Variants in MCRIP1 observed in about 807,000 individuals in gnomAD.
MCRIP1 encodes the protein MAPK regulated corepressor interacting protein 1.
Under a neutral mutation model 14.4 loss-of-function variants are expected in MCRIP1, and 10 were observed. The observed-to-expected ratio is 0.70, with a 90% CI of 0.43 to 1.18. The LOEUF is 1.18. Ranked by LOEUF, MCRIP1 falls within the 50% of genes most tolerant of loss-of-function variation. The pLI, the probability that MCRIP1 is intolerant of heterozygous loss-of-function variation, is 0.00. For synonymous variants in MCRIP1, 53 were observed against 55.7 expected (o/e 0.95, Z 0.21); for missense variants, 119 against 135.4 (o/e 0.88, Z 0.60).
intron 1 of MCRIP1, among the ~76,000 whole-genome samples, chr17:81,830,663 G>C (rs2038498799): frequency 6.6e-6 from 1 of 151,926 alleles, no homozygotes; most frequent in Non-Finnish European, 1.5e-5. Flanking sequence ...AAAGGGGCTA[G>C]ATGTGGTGGT....
Position 81,823,141 on chromosome 17 carries a change from C to T in MCRIP1, c.*106G>A. 9.2e-7 allele frequency: 1 copy of T among 1,084,086 alleles called. No individual in the cohort carries two copies. Among genetic ancestry groups the T allele is most frequent in the Non-Finnish European group, 1.4e-6 (1 of 738,482 alleles). 67.2% of individuals were successfully genotyped at this position (1,084,086 alleles called of 1,614,324 possible). ...TCACGCCAGTGCTGGGATCTGCAGC[C>T]CGCTGGAGCAAGGCACCCCCATCCC... is the stretch of plus-strand genomic sequence containing the variant. On this transcript the variant is annotated 3_prime_UTR_variant, in exon 5 of 5. Coordinates refer to ENST00000455127, the MANE Select transcript of MCRIP1 (RefSeq NM_207368.5). The surrounding 1 kb of genome is among the most constrained non-coding windows in gnomAD (Gnocchi z 6.0).
intron 1 of MCRIP1, among the ~76,000 whole-genome samples, chr17:81,830,549 A>C (rs1048863234): frequency 2.0e-4 from 30 of 152,248 alleles, no homozygotes; most frequent in Middle Eastern, 3.4e-3. Flanking sequence ...CGGCAGGAGA[A>C]TCGCTTGAAC....
At chr17:81,825,378 C>G in intron 1 of MCRIP1, 4 of 1,182,950 alleles carry the variant, frequency 3.4e-6, no homozygotes, top group Non-Finnish European at 4.3e-6. Context: ...GGTGGGGAAG[C>G]TGACAGGGCT....
chr17:81,832,253 G>A (rs1018294599), intron 1 of MCRIP1, among the ~76,000 whole-genome samples: 2 of 152,156 alleles, frequency 1.3e-5, no homozygotes, highest in African/African-American at 4.8e-5. Context: ...GGATACGGCT[G>A]TCACAGCTGC....
intron 1 of MCRIP1, among the ~76,000 whole-genome samples, chr17:81,827,936 A>G (rs1412191454): frequency 5.9e-5 from 9 of 151,564 alleles, no homozygotes; most frequent in East Asian, 5.9e-4. Flanking sequence ...GCCCGCCACC[A>G]CGCCCAGCTA....
At chr17:81,827,364 C>T (rs912283270) in intron 1 of MCRIP1, among the ~76,000 whole-genome samples, 8 of 151,362 alleles carry the variant, frequency 5.3e-5, no homozygotes, top group African/African-American at 1.7e-4. Flanking sequence ...CTCCGCCTCC[C>T]GGGTTCACGC....
rs570616662 is a variant in MCRIP1, at chr17:81,822,952, C to T, written c.*295G>A. The T allele has an allele frequency of 6.2e-5, 35 of 564,870 alleles. No homozygotes were observed. The highest frequency in any genetic ancestry group is 5.8e-4 in the African/African-American group (31 of 53,276). The allele number at this position is 564,870 out of a possible 1,614,324, so 35.0% of individuals were successfully genotyped here. A position where few individuals can be genotyped will look rare whatever the true frequency, so the allele number is the denominator to read the frequency against. On this transcript the variant is annotated 3_prime_UTR_variant, in exon 5 of 5. Coordinates refer to ENST00000455127, the MANE Select transcript of MCRIP1 (RefSeq NM_207368.5). Reference sequence around the variant, plus strand: ...GAGGGTGAGGGGAGAGGAGAGAGGTCAGGTCAGGGCCCCTGGGGGCCAGGC... The same window carrying T: ...GAGGGTGAGGGGAGAGGAGAGAGGTTAGGTCAGGGCCCCTGGGGGCCAGGC...
At chr17:81,825,451 G>A (rs1406837996) in intron 1 of MCRIP1, 6 of 1,194,228 alleles carry the variant, frequency 5.0e-6, no homozygotes, top group Non-Finnish European at 6.4e-6. Context: ...GGAGTCCCAG[G>A]ATTCCCAGGA....
Position 81,822,587 on chromosome 17 carries a change from G to C in MCRIP1, c.*660C>G, listed in dbSNP as rs1418832191. 1 of 153,344 alleles carries C rather than the reference G, an allele frequency of 6.5e-6. No individual in the cohort carries two copies. Among genetic ancestry groups the C allele is most frequent in the East Asian group, 1.9e-4 (1 of 5,196 alleles). The allele number at this position is 153,344 out of a possible 1,614,324, so 9.5% of individuals were successfully genotyped here. A position where few individuals can be genotyped will look rare whatever the true frequency, so the allele number is the denominator to read the frequency against. ...GGGTCAGCCTGGGTGCCCCTGCCCA[G>C]GGGCCACTGTGACCGCAGACACCAG... On this transcript the variant is annotated 3_prime_UTR_variant, in exon 5 of 5. Coordinates refer to ENST00000455127, the MANE Select transcript of MCRIP1 (RefSeq NM_207368.5).
intron 1 of MCRIP1, among the ~76,000 whole-genome samples, chr17:81,832,663 G>A (rs1458479534): frequency 6.6e-6 from 1 of 152,246 alleles, no homozygotes; most frequent in African/African-American, 2.4e-5. Context: ...CCCGTGCCCC[G>A]TATGGCTCCC....
At chr17:81,830,148 G>A (rs1283957666) in intron 1 of MCRIP1, among the ~76,000 whole-genome samples, 6 of 152,174 alleles carry the variant, frequency 3.9e-5, no homozygotes, top group East Asian at 1.9e-4. Flanking sequence ...CTGGGGCCCC[G>A]GGCAAGCTCC....
chr17:81,825,491 C>T, intron 1 of MCRIP1: 1 of 1,213,070 alleles, frequency 8.2e-7, no homozygotes. Context: ...AACTCCCCTG[C>T]CCACCCAGAG....
Position 81,823,262 on chromosome 17 carries a change from A to G in MCRIP1, c.279T>C (p.Asp93=). 1 of 1,536,784 alleles carries G rather than the reference A, an allele frequency of 6.5e-7. No individual in the cohort carries two copies. The highest frequency in any genetic ancestry group is 8.7e-7 in the Non-Finnish European group (1 of 1,146,766). ...LSDLKRRSTQ[D]AKKS is the part of the protein sequence containing the mutation. Reference sequence around the variant, plus strand: ...ACCGGGCGCTCTAGGACTTCTTGGCATCCTGCGTGCTCCGGCGCTTCAGGT... The same window carrying G: ...ACCGGGCGCTCTAGGACTTCTTGGCGTCCTGCGTGCTCCGGCGCTTCAGGT... The change falls in exon 5 of 5, where the codon GAT becomes GAC. Residue 93 remains aspartate, a synonymous_variant. Coordinates refer to ENST00000455127, the MANE Select transcript of MCRIP1 (RefSeq NM_207368.5). The surrounding 1 kb of genome is among the most constrained non-coding windows in gnomAD (Gnocchi z 6.0).
At chr17:81,826,621 A>G (rs2038403513) in intron 1 of MCRIP1, 1 of 515,678 alleles carries the variant, frequency 1.9e-6, no homozygotes, top group Non-Finnish European at 3.4e-6. Flanking sequence ...GGAGTTTGAG[A>G]GCAGCCTGGC....
In MCRIP1 at chr17:81,823,773, G is replaced by A. The variant is rs1174744765; in HGVS notation, c.128-260C>T. 5.1e-6 allele frequency: 3 copies of A among 587,142 alleles called. No homozygotes were observed. Among genetic ancestry groups the A allele is most frequent in the South Asian group, 4.1e-5 (2 of 48,414 alleles). 36.4% of individuals were successfully genotyped at this position (587,142 alleles called of 1,614,324 possible). On this transcript the variant is annotated intron_variant, in intron 3 of 4. Coordinates refer to ENST00000455127, the MANE Select transcript of MCRIP1 (RefSeq NM_207368.5). The surrounding 1 kb of genome is among the most constrained non-coding windows in gnomAD (Gnocchi z 6.0). ...AGGGACCCCTATGACCCTACCCCAG[G>A]CTTCCCTGCGCCTCGGAGGCAGCGC... is the stretch of plus-strand genomic sequence containing the variant.
intron 1 of MCRIP1, among the ~76,000 whole-genome samples, chr17:81,827,745 A>G (rs566793277): frequency 2.4e-4 from 36 of 148,788 alleles, no homozygotes; most frequent in African/African-American, 8.4e-4. Context: ...TTAAAACCCC[A>G]TAAATATATA....
intron 3 of MCRIP1, among the ~76,000 whole-genome samples, chr17:81,824,072 G>C (rs1009996597): frequency 6.6e-6 from 1 of 152,134 alleles, no homozygotes; most frequent in Non-Finnish European, 1.5e-5. Context: ...CTCCCCCCAT[G>C]ATCAGAACCA....
intron 3 of MCRIP1, among the ~76,000 whole-genome samples, chr17:81,824,004 T>C (rs930971160): frequency 2.0e-5 from 3 of 152,162 alleles, no homozygotes; most frequent in Non-Finnish European, 4.4e-5. Flanking sequence ...CATGGATGAC[T>C]GGCTCCCAGT....
chr17:81,825,956 T>C (rs1365020346), intron 1 of MCRIP1: 16 of 1,310,694 alleles, frequency 1.2e-5, no homozygotes, highest in Non-Finnish European at 1.6e-5. Context: ...AGGTAACAGG[T>C]AGACTGGCCA....
Sources: allele counts gnomAD v4.1 joint callset (sites outside exome capture counted in the v4.1 genomes callset), GRCh38; gene constraint gnomAD v4.1.1; non-coding constraint Gnocchi (gnomAD v3.1); transcripts MANE v1.5; gene names NCBI Gene and HGNC (gene_info 2026-07-23, HGNC 2026-07-21).